The following SLC16A7 variants were observed in gnomAD, a reference collection of about 807,000 sequenced individuals.
The protein encoded by SLC16A7 is solute carrier family 16 member 7, also known as monocarboxylate transporter 2.
SLC16A7 carries 33 observed loss-of-function variants against 34.9 expected under a neutral mutation model. The observed-to-expected ratio is 0.94, with a 90% CI of 0.72 to 1.26. SLC16A7 has a LOEUF of 1.26. Among genes scored for constraint, SLC16A7 ranks in the 50% most tolerant of loss-of-function variants. The pLI is 0.00. For missense variants in SLC16A7, 573 were observed against 578.1 expected, an observed-to-expected ratio of 0.99 and a Z score of 0.09; for synonymous variants, 201 against 206.6, an observed-to-expected ratio of 0.97 and a Z score of 0.23.
At position 59,598,708 on chromosome 12, in the gene SLC16A7, A is replaced by T. The variant is rs1878542408; in HGVS notation, c.-130+2472A>T. On this transcript the variant is annotated intron_variant, in intron 1 of 5. Transcript: ENST00000547379. ...TTTTTCTTCATGTTATGAGGGCAGG[A>T]TGATCCTTCTCTGAAGATTATCTTT... Among the ~76,000 whole-genome samples, 3 of 152,366 alleles carry T rather than the reference A, an allele frequency of 2.0e-5. No homozygotes were observed. The South Asian group carries it at 6.2e-4, about 32-fold the overall frequency.
intron 1 of SLC16A7, among the ~76,000 whole-genome samples, chr12:59,615,264 G>T (rs1879395257): frequency 6.6e-6 from 1 of 151,536 alleles, no homozygotes; most frequent in African/African-American, 2.4e-5. Flanking sequence ...TCATTCTGTG[G>T]TATTGTTTTT....
intron 3 of SLC16A7, among the ~76,000 whole-genome samples, chr12:59,731,715 T>C (rs1876973040): frequency 6.6e-6 from 1 of 152,324 alleles, no homozygotes. Context: ...ATAGAGCTCA[T>C]TTGGCCCACA....
intron 1 of SLC16A7, among the ~76,000 whole-genome samples, chr12:59,631,806 G>A (rs1342706258): frequency 6.6e-6 from 1 of 151,904 alleles, no homozygotes; most frequent in Admixed American, 6.6e-5. Context: ...GTTAGTTTGA[G>A]AGCCCTACTT....
At chr12:59,777,114 G>A (rs1882833161) in intron 5 of SLC16A7, among the ~76,000 whole-genome samples, 1 of 152,134 alleles carries the variant, frequency 6.6e-6, no homozygotes, top group South Asian at 2.1e-4. Context: ...TCCCACCTGA[G>A]CAGATAATGT....
At chr12:59,745,390 A>G (rs1276992155) in intron 3 of SLC16A7, among the ~76,000 whole-genome samples, 1 of 152,214 alleles carries the variant, frequency 6.6e-6, no homozygotes, top group African/African-American at 2.4e-5. Context: ...CAAGCATAGT[A>G]TCCACTACAA....
chr12:59,598,880 T>C (rs1424740453), intron 1 of SLC16A7, among the ~76,000 whole-genome samples: 4 of 152,236 alleles, frequency 2.6e-5, no homozygotes, highest in African/African-American at 4.8e-5. Context: ...ATGCTCACCA[T>C]ATTCCAGGCA....
At chr12:59,608,452 A>C (rs1027256829) in intron 1 of SLC16A7, among the ~76,000 whole-genome samples, 3 of 152,216 alleles carry the variant, frequency 2.0e-5, no homozygotes, top group African/African-American at 7.2e-5. Context: ...GGATATGACA[A>C]ACTAATAAGT....
At chr12:59,760,992 T>C (rs1374109132) in intron 3 of SLC16A7, 2 of 341,754 alleles carry the variant, frequency 5.9e-6, no homozygotes, top group Admixed American at 8.0e-5. Context: ...GCATGGATTC[T>C]TCTGTTAAAT....
At chr12:59,621,143 G>A (rs1013527732) in intron 1 of SLC16A7, among the ~76,000 whole-genome samples, 1 of 151,862 alleles carries the variant, frequency 6.6e-6, no homozygotes, top group Non-Finnish European at 1.5e-5. Context: ...TTAAATGCCT[G>A]CATTCATGAG....
Position 59,788,281 on chromosome 12 carries a change from G to A in SLC16A7, c.*8602G>A, listed in dbSNP as rs1235950613. ...GCTAACTTTTGCAAGAATTTTTTAA[G>A]GGATTAGATTTAGGGGTTAATGTTT... On this transcript the variant is annotated 3_prime_UTR_variant, in exon 6 of 6. Transcript: ENST00000547379. 2 of 151,956 alleles carry A rather than the reference G, an allele frequency of 1.3e-5. No individual in the cohort carries two copies. 9.4% of individuals were successfully genotyped at this position (151,956 alleles called of 1,614,324 possible).
At chr12:59,632,432 C>T (rs1219220684) in intron 1 of SLC16A7, among the ~76,000 whole-genome samples, 2 of 151,886 alleles carry the variant, frequency 1.3e-5, no homozygotes, top group African/African-American at 4.8e-5. Context: ...GGTTTAGCCC[C>T]ATCCCTGGCA....
chr12:59,629,597 A>G (rs994476972), intron 1 of SLC16A7, among the ~76,000 whole-genome samples: 6 of 151,992 alleles, frequency 3.9e-5, no homozygotes, highest in African/African-American at 1.4e-4. Context: ...ACTCTATTAT[A>G]AGCCATTGCT....
At position 59,771,262 on chromosome 12, in the gene SLC16A7, G is replaced by T. The variant is rs150664550; in HGVS notation, c.261G>T (p.Pro87=). 5.0e-6 allele frequency: 8 copies of T among 1,613,106 alleles called. No homozygotes were observed. The highest frequency in any genetic ancestry group is 5.1e-6 in the Non-Finnish European group (6 of 1,179,522). ...SVLVNKYGSR[P]VVIAGGLLCC... ...TGGTGAATAAATACGGCAGCCGGCCGGTGGTGATAGCAGGAGGCTTATTAT... is the reference window on the plus strand; with the variant it reads ...TGGTGAATAAATACGGCAGCCGGCCTGTGGTGATAGCAGGAGGCTTATTAT... Residue 87 remains proline (P), a synonymous_variant, in exon 4 of 6, where the codon CCG becomes CCT. Coordinates refer to ENST00000547379, the MANE Select transcript of SLC16A7 (RefSeq NM_001270623.2).
At chr12:59,706,539 T>C (rs1304015254) in intron 3 of SLC16A7, among the ~76,000 whole-genome samples, 2 of 152,152 alleles carry the variant, frequency 1.3e-5, no homozygotes, top group Admixed American at 6.6e-5. Context: ...TTTGGGCGTG[T>C]CAATGGAAAA....
chr12:59,767,771 T>C (rs1029483761), intron 3 of SLC16A7, among the ~76,000 whole-genome samples: 1 of 152,072 alleles, frequency 6.6e-6, no homozygotes. Flanking sequence ...TGCCTGCTAA[T>C]ACAACATTCA....
In SLC16A7 at chr12:59,765,307, G is replaced by C. The variant is rs549198036; in HGVS notation, c.218-5912G>C. On this transcript the variant is annotated intron_variant, in intron 3 of 5. Coordinates refer to ENST00000547379, the MANE Select transcript of SLC16A7 (RefSeq NM_001270623.2). ...TGCCTGTTCACTCTGATGGTAGTTT[G>C]TTTTGCTGTGCAGAAGCTCTTTAGT... Among the ~76,000 whole-genome samples, 342 of 152,086 alleles carry C rather than the reference G, an allele frequency of 2.2e-3. 1 individual carries two copies. Among genetic ancestry groups the C allele is most frequent in the African/African-American group, 6.7e-3 (277 of 41,514 alleles).
intron 3 of SLC16A7, among the ~76,000 whole-genome samples, chr12:59,715,717 T>C (rs1874822640): frequency 6.6e-6 from 1 of 152,246 alleles, no homozygotes; most frequent in South Asian, 2.1e-4. Flanking sequence ...ATTTTAAGGT[T>C]ACAAATCAAT....
At chr12:59,683,554 T>C (rs1170873004) in intron 2 of SLC16A7, among the ~76,000 whole-genome samples, 1 of 152,044 alleles carries the variant, frequency 6.6e-6, no homozygotes, top group Non-Finnish European at 1.5e-5. Context: ...GGACTTGGGG[T>C]TTTTCAGATT....
chr12:59,755,725 A>G (rs9739499), intron 3 of SLC16A7, among the ~76,000 whole-genome samples: 18,643 of 152,170 alleles, frequency 0.12, 1,488 homozygotes, highest in African/African-American at 0.22. Context: ...CAAGCTACCA[A>G]TTACTTTCTT....
Sources: gnomAD v4.1 joint callset for allele counts (sites outside exome capture counted in the v4.1 genomes callset) on GRCh38, gnomAD v4.1.1 for gene constraint, MANE v1.5 for transcripts, NCBI Gene and HGNC (gene_info 2026-07-23, HGNC 2026-07-21) for gene names.